Variants in UNC79 observed in about 807,000 individuals in gnomAD.
The protein encoded by UNC79 is unc-79 subunit of NALCN channel complex.
Under a neutral mutation model 283.1 loss-of-function variants are expected in UNC79, and 37 were observed. The ratio of observed to expected loss-of-function variants is 0.13; its 90% CI spans 0.10 to 0.17. The LOEUF (loss-of-function observed/expected upper bound fraction) is 0.17, where lower values mean the gene tolerates loss of function less well. Among genes scored for constraint, UNC79 ranks in the 10% least tolerant of loss-of-function variants. UNC79 has a pLI of 1.00. For missense variants in UNC79, 2,272 were observed against 3,211.1 expected, an observed-to-expected ratio of 0.71 and a Z score of 7.07; for synonymous variants, 1,107 against 1,200.2, an observed-to-expected ratio of 0.92 and a Z score of 1.61.
At chr14:93,357,268 A>T (rs1272508246) in intron 1 of UNC79, among the ~76,000 whole-genome samples, 6 of 152,102 alleles carry the variant, frequency 3.9e-5, no homozygotes, top group Non-Finnish European at 2.9e-5. Flanking sequence ...TTCTTTATCC[A>T]GTCCACCACT....
rs542045935 is a variant in UNC79, at chr14:93,575,182, A to C, written c.2195A>C (p.Asn732Thr). The C allele has an allele frequency of 3.1e-6, 5 of 1,613,650 alleles. No individual in the cohort carries two copies. The East Asian group carries it at 1.1e-4, about 36-fold the overall frequency. Residue 732 changes from asparagine to threonine, a missense_variant, in exon 17 of 49, where the codon AAC (asparagine) becomes ACC (threonine). This residue lies in a region of UNC79 where 356 missense variants were observed against 416.2 expected (regional missense o/e 0.86). Transcript: ENST00000555664. ...TCAAGAGTCAGTGAACTGGCAGGGA[A>C]CCTTGCATCTCGAAGGGTAATTATT...
chr14:93,405,160 G>A (rs1222131750), intron 1 of UNC79, among the ~76,000 whole-genome samples: 4 of 151,850 alleles, frequency 2.6e-5, no homozygotes, highest in Admixed American at 1.3e-4. Flanking sequence ...GCGGGCACCT[G>A]TAATCCCAGC....
chr14:93,405,031 C>T (rs939907418), intron 1 of UNC79, among the ~76,000 whole-genome samples: 6 of 151,884 alleles, frequency 4.0e-5, no homozygotes, highest in Admixed American at 1.3e-4. Flanking sequence ...GCCTGTAATG[C>T]CAACACTTTG....
chr14:93,510,278 G>A (rs1003359951), intron 7 of UNC79, among the ~76,000 whole-genome samples: 1 of 152,192 alleles, frequency 6.6e-6, no homozygotes, highest in Non-Finnish European at 1.5e-5. Context: ...ATGCCTTCAA[G>A]AAATTTTCCC....
chr14:93,655,350 A>G (rs1163694093), exon 38 of UNC79: 1 of 1,614,022 alleles, frequency 6.2e-7, no homozygotes, highest in Non-Finnish European at 8.5e-7. Flanking sequence ...TCTGGACCAC[A>G]ATTAGCAACC....
At chr14:93,677,063 G>T (rs2073404352) in intron 41 of UNC79, among the ~76,000 whole-genome samples, 1 of 152,074 alleles carries the variant, frequency 6.6e-6, no homozygotes, top group South Asian at 2.1e-4. Context: ...AGCGTGGTTT[G>T]TTCCTGGGTT....
chr14:93,371,764 C>T lies in UNC79; in HGVS notation c.-351+38241C>T, dbSNP rs537407642. On this transcript the variant is annotated intron_variant, in intron 1 of 49. Transcript: ENST00000256339. ...GCTGAGGCAGGAGAATGGCATGAAC[C>T]CAGGAGGCAGAGCTTGCAGTAAGCC... Among the ~76,000 whole-genome samples the T allele has an allele frequency of 2.0e-5, 3 of 152,146 alleles. No individual in the cohort carries two copies. The East Asian group carries it at 5.8e-4, about 29-fold the overall frequency.
At chr14:93,535,315 C>G (rs1160406600) in intron 11 of UNC79, among the ~76,000 whole-genome samples, 1 of 152,160 alleles carries the variant, frequency 6.6e-6, no homozygotes. Flanking sequence ...CTTCGATCAA[C>G]TGAAGATTAT....
Position 93,618,064 on chromosome 14 carries a change from T to TTC in UNC79, c.4225-115_4225-114dup, listed in dbSNP as rs1336150345. On this transcript the variant is annotated intron_variant, in intron 28 of 48. Transcript: ENST00000555664. ...GGCCATGAGCAGAATTTGTTTCTAC[T>TTC]TCTCTCTCTCTCTCATATATATATT... The TTC allele has an allele frequency of 3.7e-5, 37 of 992,544 alleles. 2 individuals carry two copies. Among genetic ancestry groups the TTC allele is most frequent in the Middle Eastern group, 6.5e-4 (2 of 3,064 alleles). The allele number at this position is 992,544 out of a possible 1,614,324, so 61.5% of individuals were successfully genotyped here. A position where few individuals can be genotyped will look rare whatever the true frequency, so the allele number is the denominator to read the frequency against.
intron 1 of UNC79, among the ~76,000 whole-genome samples, chr14:93,343,366 C>T (rs2053753314): frequency 6.6e-6 from 1 of 152,192 alleles, no homozygotes; most frequent in Non-Finnish European, 1.5e-5. Context: ...TGCTTGCAAT[C>T]CAAGTGTGTT....
At chr14:93,467,876 C>T (rs2057295585) in intron 2 of UNC79, 85 bp downstream of exon 2, 7 of 1,391,102 alleles carry the variant, frequency 5.0e-6, no homozygotes, top group Non-Finnish European at 6.5e-6. Context: ...TATTGAATTG[C>T]AAGTTTTAAA....
At chr14:93,575,661 A>G (rs936501612) in intron 17 of UNC79, among the ~76,000 whole-genome samples, 16 of 152,036 alleles carry the variant, frequency 1.1e-4, no homozygotes, top group Non-Finnish European at 2.4e-4. Context: ...CATTTTATTG[A>G]CCCCTTTGCA....
intron 47 of UNC79, among the ~76,000 whole-genome samples, chr14:93,701,276 T>C (rs2075511699): frequency 6.6e-6 from 1 of 152,250 alleles, no homozygotes; most frequent in East Asian, 1.9e-4. Context: ...TTTTATAGTT[T>C]GTCTGGATTT....
chr14:93,546,024 C>T (rs1174890630), intron 14 of UNC79, among the ~76,000 whole-genome samples: 1 of 152,104 alleles, frequency 6.6e-6, no homozygotes, highest in Non-Finnish European at 1.5e-5. Flanking sequence ...CACAGGAGGA[C>T]ATGGCTCCAG....
At position 93,410,464 on chromosome 14, in the gene UNC79, G is replaced by A. The variant is rs577976713; in HGVS notation, c.-350-57207G>A. ...GGACTTGGGGGACATGCCACTTACT[G>A]AGACACCAGCTGGGGCAGCTAGGGG... On this transcript the variant is annotated intron_variant, in intron 1 of 49. Transcript: ENST00000256339. Among the ~76,000 whole-genome samples, 6 of 152,272 alleles carry A rather than the reference G, an allele frequency of 3.9e-5. 1 individual carries two copies. The highest frequency in any genetic ancestry group is 3.9e-4 in the Admixed American group (6 of 15,294).
chr14:93,519,673 A>T (rs1028083319), intron 7 of UNC79, among the ~76,000 whole-genome samples: 3 of 150,820 alleles, frequency 2.0e-5, no homozygotes, highest in Non-Finnish European at 4.4e-5. Flanking sequence ...AATTATTTTT[A>T]GTGTTATATT....
chr14:93,433,775 G>A (rs1334257582), intron 1 of UNC79, among the ~76,000 whole-genome samples: 1 of 152,132 alleles, frequency 6.6e-6, no homozygotes, highest in African/African-American at 2.4e-5. Flanking sequence ...AGTTTTGTTG[G>A]ACCAGCAAGA....
At chr14:93,374,661 C>T (rs1417502278) in intron 1 of UNC79, among the ~76,000 whole-genome samples, 1 of 152,130 alleles carries the variant, frequency 6.6e-6, no homozygotes, top group East Asian at 1.9e-4. Flanking sequence ...ACCTCAGCCT[C>T]CTGAGTAGCT....
At chr14:93,600,871 G>T in intron 25 of UNC79, 101 bp downstream of exon 25, 1 of 1,347,420 alleles carries the variant, frequency 7.4e-7, no homozygotes, top group East Asian at 2.4e-5. Flanking sequence ...CTCTACAGAG[G>T]ATGCCTTGAC....
Sources: gnomAD v4.1 joint callset for allele counts (sites outside exome capture counted in the v4.1 genomes callset) on GRCh38, gnomAD v4.1.1 for gene constraint, gnomAD v4.1.1 regional missense constraint, MANE v1.5 for transcripts, NCBI Gene and HGNC (gene_info 2026-07-23, HGNC 2026-07-21) for gene names.